The following KIAA1217 variants were observed in gnomAD, a reference collection of about 807,000 sequenced individuals.
The protein encoded by KIAA1217 is KIAA1217, also known as sickle tail protein homolog.
A neutral mutation model predicts 163.9 loss-of-function variants in KIAA1217; 88 were observed. The observed-to-expected ratio is 0.54, with a 90% CI of 0.45 to 0.64. The LOEUF (loss-of-function observed/expected upper bound fraction) is 0.64. Ranked by LOEUF, KIAA1217 falls within the 30% of genes least tolerant of loss-of-function variation. The pLI, the probability that KIAA1217 is intolerant of heterozygous loss-of-function variation, is 0.00. For synonymous variants in KIAA1217, 903 were observed against 923.1 expected (o/e 0.98, Z 0.39); for missense variants, 2,372 against 2,475.0 (o/e 0.96, Z 0.88).
chr10:23,953,714 T>C (rs906900037), intron 1 of KIAA1217, among the ~76,000 whole-genome samples: 1 of 152,266 alleles, frequency 6.6e-6, no homozygotes, highest in Non-Finnish European at 1.5e-5. Context: ...TGAGATAATG[T>C]ACATCCAACA....
intron 1 of KIAA1217, among the ~76,000 whole-genome samples, chr10:23,991,910 A>G (rs1846235178): frequency 6.6e-6 from 1 of 152,184 alleles, no homozygotes; most frequent in Non-Finnish European, 1.5e-5. Context: ...GGCTGAGTAC[A>G]TTATCCCATT....
chr10:24,364,021 C>G (rs1255954921), intron 2 of KIAA1217, among the ~76,000 whole-genome samples: 2 of 151,766 alleles, frequency 1.3e-5, no homozygotes. Flanking sequence ...TCTTGTCGCC[C>G]AGGCTAGGGT....
intron 2 of KIAA1217, among the ~76,000 whole-genome samples, chr10:24,277,470 G>A (rs1399746024): frequency 6.6e-6 from 1 of 152,214 alleles, no homozygotes; most frequent in African/African-American, 2.4e-5. Context: ...GATATAGTTT[G>A]GCTGTGTACC....
chr10:24,509,584 T>C (rs1417719188), intron 9 of KIAA1217, among the ~76,000 whole-genome samples: 2 of 152,198 alleles, frequency 1.3e-5, no homozygotes, highest in Admixed American at 1.3e-4. Flanking sequence ...CAAATACAGT[T>C]GCCCCTTGAA....
At chr10:24,008,158 TTAGATAGA>T (rs60229610) in intron 2 of KIAA1217, among the ~76,000 whole-genome samples, 14,097 of 148,284 alleles carry the variant, frequency 0.095, 853 homozygotes, top group African/African-American at 0.17. Context: ...AGGTAGGAAA[TTAGATAGA>T]TAGATAGATA....
intron 5 of KIAA1217, among the ~76,000 whole-genome samples, chr10:24,450,673 C>T (rs887924682): frequency 7.2e-5 from 11 of 152,106 alleles, no homozygotes; most frequent in Non-Finnish European, 8.8e-5. Context: ...ATGTGGTTTA[C>T]GTAATATCTA....
chr10:24,518,100 T>C (rs2070486548), intron 10 of KIAA1217, among the ~76,000 whole-genome samples: 1 of 152,232 alleles, frequency 6.6e-6, no homozygotes, highest in African/African-American at 2.4e-5. Context: ...TCCAACAAAC[T>C]GCATGCTTCT....
chr10:24,277,101 A>G (rs946165639), intron 2 of KIAA1217, among the ~76,000 whole-genome samples: 1 of 152,184 alleles, frequency 6.6e-6, no homozygotes, highest in African/African-American at 2.4e-5. Flanking sequence ...AAAATGTTTT[A>G]TCCTCTTAGA....
intron 2 of KIAA1217, among the ~76,000 whole-genome samples, chr10:24,307,403 G>A (rs1021701048): frequency 2.0e-5 from 3 of 152,166 alleles, no homozygotes; most frequent in African/African-American, 7.2e-5. Flanking sequence ...ACCTGGCCAA[G>A]TGCTTTGGCG....
At chr10:24,183,622 G>A (rs1049849703) in intron 2 of KIAA1217, among the ~76,000 whole-genome samples, 1 of 152,168 alleles carries the variant, frequency 6.6e-6, no homozygotes, top group Non-Finnish European at 1.5e-5. Flanking sequence ...ATTCCAGTAT[G>A]AGAAATCCTT....
chr10:24,533,445 A>G (rs943494313), intron 16 of KIAA1217, among the ~76,000 whole-genome samples: 1 of 152,248 alleles, frequency 6.6e-6, no homozygotes, highest in African/African-American at 2.4e-5. Context: ...AGGAATGACC[A>G]TTTCACAAAA....
chr10:23,946,530 C>A (rs1196107360), intron 1 of KIAA1217, among the ~76,000 whole-genome samples: 1 of 152,068 alleles, frequency 6.6e-6, no homozygotes, highest in African/African-American at 2.4e-5. Flanking sequence ...TATTTTCAAG[C>A]AAATATAATT....
chr10:24,329,546 C>T (rs1159814600), intron 2 of KIAA1217, among the ~76,000 whole-genome samples: 1 of 152,128 alleles, frequency 6.6e-6, no homozygotes, highest in Admixed American at 6.5e-5. Flanking sequence ...GTACGCTCTC[C>T]TGGAGTATGT....
rs149200505 is a variant in KIAA1217, at chr10:23,703,161, TCTC to T, written c.-321+7930_-321+7932del. On this transcript the variant is annotated intron_variant, in intron 1 of 18. Coordinates refer to the KIAA1217 transcript ENST00000376462. ...AGTCCTGGCATGTGGGCTGGGCGCTTCTCCTTCTCAGCAGTCTCCAGAGATCGG... is the reference window on the plus strand; with the variant it reads ...AGTCCTGGCATGTGGGCTGGGCGCTTCTTCTCAGCAGTCTCCAGAGATCGG... Among the ~76,000 whole-genome samples, 178 of 152,260 alleles carry T rather than the reference TCTC, an allele frequency of 1.2e-3. 12 individuals are homozygous for T. In the East Asian group the frequency reaches 0.028, roughly 24 times the overall value.
At chr10:23,786,157 G>A (rs1835484848) in intron 1 of KIAA1217, among the ~76,000 whole-genome samples, 2 of 152,086 alleles carry the variant, frequency 1.3e-5, no homozygotes, top group African/African-American at 4.8e-5. Flanking sequence ...GAGGTACAGG[G>A]GGAAGTTCTT....
At chr10:23,979,629 G>GA (rs1431126794) in intron 1 of KIAA1217, among the ~76,000 whole-genome samples, 1 of 152,112 alleles carries the variant, frequency 6.6e-6, no homozygotes, top group Non-Finnish European at 1.5e-5. Context: ...GAGGGACTTG[G>GA]AGCCCTCTTT....
At chr10:24,116,301 G>C (rs1349713797) in intron 2 of KIAA1217, among the ~76,000 whole-genome samples, 1 of 152,076 alleles carries the variant, frequency 6.6e-6, no homozygotes, top group Non-Finnish European at 1.5e-5. Flanking sequence ...AAAATATTCA[G>C]GAGTTATCTG....
intron 1 of KIAA1217, among the ~76,000 whole-genome samples, chr10:23,700,838 A>G (rs897668650): frequency 2.6e-5 from 4 of 152,204 alleles, no homozygotes; most frequent in Non-Finnish European, 4.4e-5. Context: ...CTCTTTGGCT[A>G]TAAGAAATTC....
At chr10:24,169,792 C>G (rs1051717710) in intron 2 of KIAA1217, among the ~76,000 whole-genome samples, 2 of 152,032 alleles carry the variant, frequency 1.3e-5, no homozygotes, top group Non-Finnish European at 2.9e-5. Flanking sequence ...CATCTGGTTT[C>G]CATGGCAACC....
Sources: allele counts gnomAD v4.1 joint callset (sites outside exome capture counted in the v4.1 genomes callset), GRCh38; gene constraint gnomAD v4.1.1; transcripts MANE v1.5; gene names NCBI Gene and HGNC (gene_info 2026-07-23, HGNC 2026-07-21).